Variants in CADPS2 observed in about 807,000 individuals in gnomAD.
CADPS2 encodes calcium dependent secretion activator 2.
CADPS2 carries 93 observed loss-of-function variants against 172.5 expected under a neutral mutation model. That is an observed-to-expected ratio of 0.54 (90% CI 0.46 to 0.64). The LOEUF (loss-of-function observed/expected upper bound fraction) is 0.64, where lower values mean the gene tolerates loss of function less well. Ranked by LOEUF, CADPS2 falls within the 30% of genes least tolerant of loss-of-function variation. The probability of loss-of-function intolerance (pLI) is 0.00; values close to 1 mark genes in which losing one functional copy is unlikely to be tolerated. For missense variants in CADPS2, 1,420 were observed against 1,565.9 expected (o/e 0.91, Z 1.57); for synonymous variants, 546 against 555.2 (o/e 0.98, Z 0.23).
chr7:122,436,504 CATAA>C (rs1402563295), intron 17 of CADPS2: 7 of 299,734 alleles, frequency 2.3e-5, no homozygotes, highest in Admixed American at 2.1e-4. Flanking sequence ...GAGGATAAAA[CATAA>C]ATACTTTTTT....
At chr7:122,361,143 A>G in intron 25 of CADPS2, 130 bp from the exon 26 acceptor site, 1 of 694,108 alleles carries the variant, frequency 1.4e-6, no homozygotes, top group East Asian at 2.7e-5. Flanking sequence ...AGCTGAGGTC[A>G]GACTAACTTG....
chr7:122,783,314 T>C (rs377077869), intron 1 of CADPS2, among the ~76,000 whole-genome samples: 5 of 152,332 alleles, frequency 3.3e-5, no homozygotes, highest in Admixed American at 2.0e-4. Flanking sequence ...ATAATAACTA[T>C]TGTGGTTGAT....
At chr7:122,851,649 G>A (rs1192691190) in intron 1 of CADPS2, among the ~76,000 whole-genome samples, 2 of 152,152 alleles carry the variant, frequency 1.3e-5, no homozygotes, top group Admixed American at 6.5e-5. Flanking sequence ...ACACAATCAT[G>A]GCGGAAGAGG....
chr7:122,669,355 A>T lies in CADPS2; in HGVS notation c.454-5786T>A, dbSNP rs1366660810. On this transcript the variant is annotated intron_variant, in intron 2 of 29. Transcript: ENST00000449022. ...AAAGAAAAAATATATATATATATAT[A>T]TTTTTTTTTTTTGAGAAAAAGTAAT... is the stretch of plus-strand genomic sequence containing the variant. Among the ~76,000 whole-genome samples, 650 of 139,500 alleles carry T rather than the reference A, an allele frequency of 4.7e-3. 3 individuals carry two copies. Among genetic ancestry groups the T allele is most frequent in the African/African-American group, 0.013 (507 of 37,556 alleles). 91.5% of individuals were successfully genotyped at this position (139,500 alleles called of 152,430 possible).
chr7:122,394,072 G>C (rs1343857075), intron 20 of CADPS2, among the ~76,000 whole-genome samples: 2 of 152,148 alleles, frequency 1.3e-5, no homozygotes, highest in Non-Finnish European at 2.9e-5. Flanking sequence ...CTGTGGGTTT[G>C]GGAATATCTA....
chr7:122,847,623 C>T (rs1050594537), intron 1 of CADPS2, among the ~76,000 whole-genome samples: 2 of 151,504 alleles, frequency 1.3e-5, no homozygotes, highest in Non-Finnish European at 2.9e-5. Context: ...TCATCATTAA[C>T]AACAGTTCTA....
chr7:122,689,570 A>C (rs2084063256), intron 2 of CADPS2, among the ~76,000 whole-genome samples: 1 of 152,172 alleles, frequency 6.6e-6, no homozygotes, highest in Admixed American at 6.5e-5. Flanking sequence ...CCCTCTAGTC[A>C]TGTAGGTGAC....
chr7:122,756,962 T>C (rs543662093), intron 1 of CADPS2, among the ~76,000 whole-genome samples: 91 of 151,610 alleles, frequency 6.0e-4, no homozygotes, highest in Non-Finnish European at 1.1e-3. Context: ...CAAGTTCATA[T>C]CTTTAAGTGC....
intron 1 of CADPS2, among the ~76,000 whole-genome samples, chr7:122,879,963 A>G (rs1822428059): frequency 6.6e-6 from 1 of 152,208 alleles, no homozygotes; most frequent in African/African-American, 2.4e-5. Flanking sequence ...ATTTTAATTA[A>G]TAAACAAGTC....
intron 3 of CADPS2, among the ~76,000 whole-genome samples, chr7:122,646,162 A>G (rs900283853): frequency 5.9e-5 from 9 of 152,082 alleles, no homozygotes; most frequent in Non-Finnish European, 1.5e-5. Context: ...CTAAATTTTT[A>G]TAAACATTAT....
At chr7:122,414,813 T>C (rs2047698778) in intron 18 of CADPS2, among the ~76,000 whole-genome samples, 1 of 152,228 alleles carries the variant, frequency 6.6e-6, no homozygotes, top group African/African-American at 2.4e-5. Flanking sequence ...GTAGTTCCTG[T>C]AGTTTCTTAG....
At chr7:122,349,476 A>G (rs2038200950) in intron 27 of CADPS2, among the ~76,000 whole-genome samples, 1 of 152,212 alleles carries the variant, frequency 6.6e-6, no homozygotes, top group Non-Finnish European at 1.5e-5. Context: ...TGAAAATAGT[A>G]GTTCCTAAAT....
At chr7:122,820,276 G>A (rs990621464) in intron 1 of CADPS2, among the ~76,000 whole-genome samples, 1 of 152,096 alleles carries the variant, frequency 6.6e-6, no homozygotes, top group African/African-American at 2.4e-5. Flanking sequence ...TACCTAGGCT[G>A]CACTGCCACA....
At chr7:122,568,752 G>C (rs537291852) in intron 7 of CADPS2, among the ~76,000 whole-genome samples, 92 of 152,110 alleles carry the variant, frequency 6.0e-4, no homozygotes, top group Non-Finnish European at 9.6e-4. Context: ...AGAAAACAGA[G>C]GAGAATTCCA....
At chr7:122,570,939 C>A (rs556318284) in intron 7 of CADPS2, among the ~76,000 whole-genome samples, 5 of 151,892 alleles carry the variant, frequency 3.3e-5, no homozygotes, top group Middle Eastern at 3.4e-3. Context: ...TGCTAAGTGA[C>A]GAGTTAATGG....
chr7:122,878,645 A>G (rs1370582760), intron 1 of CADPS2, among the ~76,000 whole-genome samples: 28 of 36,636 alleles, frequency 7.6e-4, no homozygotes, highest in African/African-American at 2.8e-3. Flanking sequence ...GTCTCAAATA[A>G]ATAAATAAAT....
intron 24 of CADPS2, among the ~76,000 whole-genome samples, chr7:122,380,585 C>G (rs993427225): frequency 2.6e-5 from 4 of 151,928 alleles, no homozygotes; most frequent in African/African-American, 7.3e-5. Context: ...AGGGTTCTGA[C>G]AGTTACAAGT....
rs766211053 is a variant in CADPS2, at chr7:122,737,053, A to G, written c.355T>C (p.Leu119=). The part of the protein sequence containing the change: ...RRQQKLNKQQ[L]QLLKERFQAF... ...TGGAACCGTTCTTTCAGTAACTGCAACTGTTGTTTGTTAAGCTACAAGAAA... is the reference window on the plus strand; with the variant it reads ...TGGAACCGTTCTTTCAGTAACTGCAGCTGTTGTTTGTTAAGCTACAAGAAA... Residue 119 remains leucine (L), a synonymous_variant, in exon 2 of 30, where the codon TTG becomes CTG. Coordinates refer to ENST00000449022, the MANE Select transcript of CADPS2 (RefSeq NM_017954.11). 1.9e-6 allele frequency: 3 copies of G among 1,597,348 alleles called. No individual in the cohort carries two copies. The Admixed American group carries it at 5.0e-5, about 27-fold the overall frequency.
At position 122,542,717 on chromosome 7, in the gene CADPS2, A is replaced by AT. The variant is rs765674079; in HGVS notation, c.1475+11832dup. On this transcript the variant is annotated intron_variant, in intron 8 of 29. Transcript: ENST00000449022. The stretch of plus-strand genomic sequence containing the variant: ...TCAATCCTCATTCACTTTATTCATT[A>AT]TTTTTTTTTCTGCCCTGTTCATCAT... 1.9e-3 allele frequency among the ~76,000 whole-genome samples: 289 copies of AT among 150,834 alleles called. 1 individual carries two copies. Among genetic ancestry groups the AT allele is most frequent in the Middle Eastern group, 6.8e-3 (2 of 292 alleles).
Sources: gnomAD v4.1 joint callset for allele counts (sites outside exome capture counted in the v4.1 genomes callset) on GRCh38, gnomAD v4.1.1 for gene constraint, MANE v1.5 for transcripts, NCBI Gene and HGNC (gene_info 2026-07-23, HGNC 2026-07-21) for gene names.